The following MCCC1 variants were observed in gnomAD, a reference collection of about 807,000 sequenced individuals.
MCCC1 encodes methylcrotonyl-CoA carboxylase subunit 1.
In MCCC1, 64 loss-of-function variants were observed where a neutral mutation model predicts 83.8. The ratio of observed to expected loss-of-function variants is 0.76; its 90% CI spans 0.62 to 0.94. The LOEUF is 0.94. MCCC1 is among the 40% of genes least tolerant of loss of function. MCCC1 has a pLI of 0.00. For missense variants in MCCC1, 807 were observed against 904.7 expected, an observed-to-expected ratio of 0.89 and a Z score of 1.39; for synonymous variants, 322 against 315.4, an observed-to-expected ratio of 1.02 and a Z score of -0.22.
intron 7 of MCCC1, among the ~76,000 whole-genome samples, chr3:183,066,051 GTTTAGC>G (rs1716233626): frequency 6.6e-6 from 1 of 152,176 alleles, no homozygotes; most frequent in Non-Finnish European, 1.5e-5. Context: ...GTGAAATAGT[GTTTAGC>G]TTTCTTTGGG....
chr3:183,062,505 C>G (rs770993710), intron 7 of MCCC1, among the ~76,000 whole-genome samples: 1 of 152,042 alleles, frequency 6.6e-6, no homozygotes, highest in Non-Finnish European at 1.5e-5. Context: ...CAGGCACACA[C>G]CACCATGCCT....
intron 4 of MCCC1, 125 bp downstream of exon 4, chr3:183,086,568 A>G (rs1717904937): frequency 1.2e-6 from 1 of 837,100 alleles, no homozygotes; most frequent in African/African-American, 1.7e-5. Flanking sequence ...GTTTACAATG[A>G]TAATCCAATA....
upstream of MCCC1, among the ~76,000 whole-genome samples, chr3:183,103,757 C>A (rs1162981804): frequency 1.3e-5 from 2 of 152,232 alleles, no homozygotes; most frequent in Non-Finnish European, 2.9e-5. Flanking sequence ...CACTCCTCAG[C>A]CCTTGGGTGG....
At position 183,033,978 on chromosome 3, in the gene MCCC1, A is replaced by G. The variant is rs748070009; in HGVS notation, c.1681+13T>C. 2 of 1,565,466 alleles carry G rather than the reference A, an allele frequency of 1.3e-6. No individual in the cohort carries two copies. The highest frequency in any genetic ancestry group is 2.7e-5 in the African/African-American group (2 of 73,886). ...TATGACTCACATTTCTCTTTTAATG[A>G]AACATTACTTACTGTTTTTACCATC... On this transcript the variant is annotated intron_variant, in intron 14 of 18. Coordinates refer to ENST00000265594, the MANE Select transcript of MCCC1 (RefSeq NM_020166.5).
chr3:183,089,425 C>A (rs1248273685), intron 3 of MCCC1, among the ~76,000 whole-genome samples: 2 of 152,074 alleles, frequency 1.3e-5, no homozygotes, highest in East Asian at 1.9e-4. Flanking sequence ...CGCTTTGGGA[C>A]AACATAGTGA....
At chr3:183,072,637 G>T in intron 4 of MCCC1, 150 bp from the exon 5 acceptor site, 2 of 860,812 alleles carry the variant, frequency 2.3e-6, no homozygotes, top group Non-Finnish European at 3.6e-6. Context: ...AGAAATATCT[G>T]AAATATTCAT....
At chr3:183,037,138 G>T (rs575513780) in intron 13 of MCCC1, 80 bp downstream of exon 13, 2 of 1,325,102 alleles carry the variant, frequency 1.5e-6, no homozygotes, top group Non-Finnish European at 2.2e-6. Context: ...AGAGGTCAGT[G>T]TGCCATACAG....
rs1714478325 is a variant in MCCC1 at position 183,045,457 on chromosome 3, T to A, written c.1039A>T (p.Thr347Ser). 1 of 1,614,156 alleles carries A rather than the reference T, an allele frequency of 6.2e-7. No homozygotes were observed. The highest frequency in any genetic ancestry group is 8.5e-7 in the Non-Finnish European group (1 of 1,179,988). Residue 347 changes from threonine to serine, a missense_variant, in exon 10 of 19, where the codon ACT becomes TCT. Transcript: ENST00000265594. Reference sequence around the variant, plus strand: ...AAGTCAGTTCCTGTGATCATCTCAGTAACAGGATGTTCCACTTGCAGCCTT... The same window carrying A: ...AAGTCAGTTCCTGTGATCATCTCAGAAACAGGATGTTCCACTTGCAGCCTT... ...NTRLQVEHPVTEMITGTDLVE... is the reference protein window; with the variant it reads ...NTRLQVEHPVSEMITGTDLVE...
intron 17 of MCCC1, among the ~76,000 whole-genome samples, chr3:183,019,555 T>C (rs1051386251): frequency 6.6e-6 from 1 of 152,174 alleles, no homozygotes; most frequent in Admixed American, 6.5e-5. Flanking sequence ...TGCTGGTGAT[T>C]TGATGGATTT....
chr3:183,015,510 A>C lies in MCCC1; in HGVS notation c.2106T>G (p.Gly702=). The C allele has an allele frequency of 6.2e-7, 1 of 1,614,050 alleles. No individual in the cohort carries two copies. The highest frequency in any genetic ancestry group is 8.5e-7 in the Non-Finnish European group (1 of 1,179,986). The change falls in exon 19 of 19, where the codon GGT becomes GGG. Residue 702 remains glycine (G), a synonymous_variant. Transcript: ENST00000265594. ...GTVKKVFYRE[G]AQANRHTPLV... ...AAGGAGTGTGTCTGTTGGCCTGAGC[A>C]CCTTCTCTGTAGAACACTTTCTTTA...
chr3:183,083,820 A>G (rs1717692508), intron 4 of MCCC1, among the ~76,000 whole-genome samples: 1 of 152,260 alleles, frequency 6.6e-6, no homozygotes, highest in African/African-American at 2.4e-5. Flanking sequence ...TACAAGAAGT[A>G]ATTTTTAATT....
chr3:183,029,964 C>T (rs909041891), intron 14 of MCCC1, among the ~76,000 whole-genome samples: 6 of 152,144 alleles, frequency 3.9e-5, no homozygotes, highest in Non-Finnish European at 8.8e-5. Context: ...TCCTACCATT[C>T]TCCTCCATGG....
At chr3:183,071,970 G>C (rs746878393) in intron 5 of MCCC1, among the ~76,000 whole-genome samples, 1 of 150,570 alleles carries the variant, frequency 6.6e-6, no homozygotes, top group Non-Finnish European at 1.5e-5. Flanking sequence ...CTGGGCTCAA[G>C]CAATCCTCCC....
At chr3:183,073,835 C>T (rs1716872193) in intron 4 of MCCC1, among the ~76,000 whole-genome samples, 1 of 152,184 alleles carries the variant, frequency 6.6e-6, no homozygotes, top group African/African-American at 2.4e-5. Flanking sequence ...AAGTGAATTG[C>T]CACCATCATT....
rs1190813496 is a variant in MCCC1, at chr3:183,057,435, A to C, written c.762-13T>G. The C allele has an allele frequency of 1.3e-6, 2 of 1,571,470 alleles. No homozygotes were observed. Among genetic ancestry groups the C allele is most frequent in the Non-Finnish European group, 8.7e-7 (1 of 1,148,392 alleles). ...GACTTCTACATGCCTATATAAAAGC[A>C]AACATGTATGTTAATATATTTGTTA... On this transcript the variant is annotated splice_polypyrimidine_tract_variant and intron_variant, in intron 7 of 18. Transcript: ENST00000265594.
chr3:183,080,343 C>A (rs967940145), intron 4 of MCCC1, among the ~76,000 whole-genome samples: 2 of 152,182 alleles, frequency 1.3e-5, no homozygotes, highest in Non-Finnish European at 2.9e-5. Context: ...GCCAGATACC[C>A]TAAATCATCT....
rs1714472557 is a variant in MCCC1, at chr3:183,045,410, C to G, written c.1083+3G>C. On this transcript the variant is annotated splice_donor_region_variant and intron_variant, in intron 10 of 18. Coordinates refer to ENST00000265594, the MANE Select transcript of MCCC1 (RefSeq NM_020166.5). ...TGATTTTTAATAGAAAAAATATTCT[C>G]ACTCTAAGCTGCCACTCCACCAAGT... 6.2e-7 allele frequency: 1 copy of G among 1,613,964 alleles called. No homozygotes were observed. The highest frequency in any genetic ancestry group is 2.2e-5 in the East Asian group (1 of 44,856).
At chr3:183,078,899 T>C (rs1717281260) in intron 4 of MCCC1, among the ~76,000 whole-genome samples, 1 of 152,194 alleles carries the variant, frequency 6.6e-6, no homozygotes, top group Non-Finnish European at 1.5e-5. Context: ...AATTCATGTC[T>C]TACATGGATG....
intron 7 of MCCC1, among the ~76,000 whole-genome samples, chr3:183,069,395 C>G (rs1347047373): frequency 6.6e-6 from 1 of 152,150 alleles, no homozygotes; most frequent in Non-Finnish European, 1.5e-5. Context: ...GATGTCTCCA[C>G]AATTCTAACT....
Sources: allele counts gnomAD v4.1 joint callset (sites outside exome capture counted in the v4.1 genomes callset), GRCh38; gene constraint gnomAD v4.1.1; transcripts MANE v1.5; gene names NCBI Gene and HGNC (gene_info 2026-07-23, HGNC 2026-07-21).